The following UFL1 variants were observed in gnomAD, a reference collection of about 807,000 sequenced individuals.
UFL1 encodes the protein UFM1 specific ligase 1, also known as E3 UFM1-protein ligase 1.
Under a neutral mutation model 99.3 loss-of-function variants are expected in UFL1, and 78 were observed. The ratio of observed to expected loss-of-function variants is 0.79; its 90% CI spans 0.65 to 0.95. The LOEUF (loss-of-function observed/expected upper bound fraction) is 0.95. Among genes scored for constraint, UFL1 ranks in the 40% least tolerant of loss-of-function variants. UFL1 has a pLI of 0.00. For missense variants in UFL1, 936 were observed against 937.0 expected (o/e 1.00, Z 0.01); for synonymous variants, 335 against 322.2 (o/e 1.04, Z -0.42).
intron 5 of UFL1, 119 bp downstream of exon 5, chr6:96,526,554 T>A: frequency 1.3e-6 from 1 of 787,118 alleles, no homozygotes. Context: ...TTATTGCAGG[T>A]GTCTGACTTG....
intron 2 of UFL1, among the ~76,000 whole-genome samples, chr6:96,523,613 G>A (rs1027587267): frequency 1.3e-5 from 2 of 148,584 alleles, no homozygotes; most frequent in African/African-American, 4.9e-5. Context: ...CCTTTTATTA[G>A]GTGGTAATTG....
chr6:96,552,487 T>TA lies in UFL1; in HGVS notation c.1992dup (p.Leu665ThrfsTer10). ...GTGCTTTTTTTTTTTTTTAGACAGATACTGTTCCAACATCGACAAGCACTG... is the reference window on the plus strand; with the variant it reads ...GTGCTTTTTTTTTTTTTTAGACAGATAACTGTTCCAACATCGACAAGCACTG... On this transcript the variant is annotated frameshift_variant, in exon 18 of 19. Coordinates refer to ENST00000369278, the MANE Select transcript of UFL1 (RefSeq NM_015323.5). LOFTEE classifies it high-confidence loss of function. 6.4e-7 allele frequency: 1 copy of TA among 1,563,552 alleles called. No homozygotes were observed. Among genetic ancestry groups the TA allele is most frequent in the Non-Finnish European group, 8.6e-7 (1 of 1,164,304 alleles).
At position 96,548,269 on chromosome 6, in the gene UFL1, A is replaced by G; in HGVS notation, c.1508A>G (p.Glu503Gly). Residue 503 changes from glutamate to glycine, a missense_variant, in exon 13 of 19, where the codon GAG becomes GGG. Transcript: ENST00000369278. ...APEEFISELA[E>G]YLIKPLNKTY... ...GAGGAGTTTATTTCGGAACTTGCTG[A>G]GTACTTAATAAAGCAAGTATAAAAT... 6.4e-7 allele frequency: 1 copy of G among 1,572,806 alleles called. No individual in the cohort carries two copies. Among genetic ancestry groups the G allele is most frequent in the South Asian group, 1.2e-5 (1 of 85,300 alleles).
intron 8 of UFL1, 82 bp downstream of exon 8, chr6:96,536,472 T>C: frequency 9.4e-7 from 1 of 1,063,700 alleles, no homozygotes; most frequent in Non-Finnish European, 1.3e-6. Flanking sequence ...AACCCTAGAG[T>C]CCTCCTTTGA....
At position 96,536,321 on chromosome 6, in the gene UFL1, G is replaced by T; in HGVS notation, c.733G>T (p.Val245Phe). ...TGGGAGACAGGATAAAGCTGTGTTT[G>T]TCCCTGACATCTACTCCAGGACACA... ...VGGRQDKAVF[V>F]PDIYSRTQST... Residue 245 changes from valine (V) to phenylalanine (F), a missense_variant, in exon 8 of 19, where the codon GTC (valine) becomes TTC (phenylalanine). Physicochemically the swap from Val to Phe is conservative, Grantham distance 50. Transcript: ENST00000369278. The T allele has an allele frequency of 6.2e-7, 1 of 1,611,582 alleles. No individual in the cohort carries two copies. Among genetic ancestry groups the T allele is most frequent in the East Asian group, 2.2e-5 (1 of 44,830 alleles).
intron 12 of UFL1, among the ~76,000 whole-genome samples, chr6:96,544,050 G>A (rs1769966924): frequency 1.3e-5 from 2 of 151,092 alleles, no homozygotes; most frequent in South Asian, 4.1e-4. Flanking sequence ...AGAAAGCTTT[G>A]CATGGTTTCA....
intron 12 of UFL1, among the ~76,000 whole-genome samples, chr6:96,543,454 T>C (rs1769958229): frequency 6.6e-6 from 1 of 151,166 alleles, no homozygotes; most frequent in South Asian, 2.1e-4. Context: ...CAGAAATGGA[T>C]AATCAAAAAG....
intron 10 of UFL1, 107 bp downstream of exon 10, chr6:96,538,917 T>C: frequency 1.0e-6 from 1 of 989,692 alleles, no homozygotes; most frequent in South Asian, 2.8e-5. Context: ...CTTTGTATCA[T>C]TTATTATTTT....
chr6:96,541,128 A>T (rs1769925454), intron 11 of UFL1, among the ~76,000 whole-genome samples: 1 of 151,362 alleles, frequency 6.6e-6, no homozygotes, highest in Non-Finnish European at 1.5e-5. Context: ...ACCCTTCGGA[A>T]TAGTAGCCAC....
intron 10 of UFL1, 61 bp from the exon 11 acceptor site, chr6:96,540,474 C>T (rs901569045): frequency 2.8e-5 from 44 of 1,553,566 alleles, no homozygotes; most frequent in African/African-American, 2.8e-4. Flanking sequence ...ATATAAACAA[C>T]TTTTATGCTT....
At chr6:96,523,922 T>C (rs1276201555) in intron 2 of UFL1, among the ~76,000 whole-genome samples, 1 of 152,176 alleles carries the variant, frequency 6.6e-6, no homozygotes, top group Non-Finnish European at 1.5e-5. Context: ...TATTTATCTA[T>C]TTTCCTTCAT....
At position 96,547,442 on chromosome 6, in the gene UFL1, A is replaced by G. The variant is rs143562427; in HGVS notation, c.1403-722A>G. On this transcript the variant is annotated intron_variant, in intron 12 of 18. Coordinates refer to ENST00000369278, the MANE Select transcript of UFL1 (RefSeq NM_015323.5). ...TCAAAGAACTAAAATTAGAACTACTATTTGACCCAGCAATCCCACTGCTGG... is the reference window on the plus strand; with the variant it reads ...TCAAAGAACTAAAATTAGAACTACTGTTTGACCCAGCAATCCCACTGCTGG... Among the ~76,000 whole-genome samples, 551 of 151,746 alleles carry G rather than the reference A, an allele frequency of 3.6e-3. 2 individuals are homozygous for G. Among genetic ancestry groups the G allele is most frequent in the African/African-American group, 0.011 (445 of 41,488 alleles).
chr6:96,527,232 G>A (rs958438244), intron 5 of UFL1, among the ~76,000 whole-genome samples: 2 of 151,894 alleles, frequency 1.3e-5, no homozygotes, highest in African/African-American at 4.8e-5. Flanking sequence ...TTTGAATACT[G>A]TCTGCACCAC....
At chr6:96,540,014 G>A (rs1217862339) in intron 10 of UFL1, among the ~76,000 whole-genome samples, 2 of 151,274 alleles carry the variant, frequency 1.3e-5, no homozygotes, top group East Asian at 3.9e-4. Context: ...ATACTTCATC[G>A]TTGTTATCAT....
rs911054534 is a variant in UFL1 at position 96,543,081 on chromosome 6, T to C, written c.1402+65T>C. ...ATATTTGTAACATATTTTCTTAAGATGTATATAATTAGGTATATATGCTAA... is the reference window on the plus strand; with the variant it reads ...ATATTTGTAACATATTTTCTTAAGACGTATATAATTAGGTATATATGCTAA... On this transcript the variant is annotated intron_variant, in intron 12 of 18. Transcript: ENST00000369278. The C allele has an allele frequency of 2.6e-6, 4 of 1,517,348 alleles. No individual in the cohort carries two copies. In the African/African-American group the frequency reaches 5.8e-5, roughly 22 times the overall value. The allele number at this position is 1,517,348 out of a possible 1,614,324, so 94.0% of individuals were successfully genotyped here.
intron 3 of UFL1, 23 bp from the exon 4 acceptor site, chr6:96,525,274 T>C: frequency 1.4e-6 from 2 of 1,466,968 alleles, no homozygotes; most frequent in South Asian, 2.4e-5. Context: ...TAATCATTAA[T>C]AGATTTTGTA....
In UFL1 at chr6:96,526,314, C is replaced by G. The variant is rs1769701267; in HGVS notation, c.351-7C>G. On this transcript the variant is annotated splice_region_variant and splice_polypyrimidine_tract_variant and intron_variant, in intron 4 of 18. Coordinates refer to ENST00000369278, the MANE Select transcript of UFL1 (RefSeq NM_015323.5). The stretch of plus-strand genomic sequence containing the variant: ...TTTTTCTATTATTTTCTTGTTTTCA[C>G]TATTAGGAATTATTTGGATCGGTTG... The G allele has an allele frequency of 1.9e-6, 3 of 1,594,030 alleles. No homozygotes were observed. Among genetic ancestry groups the G allele is most frequent in the South Asian group, 1.1e-5 (1 of 87,810 alleles).
At chr6:96,533,696 C>T (rs1252594230) in intron 6 of UFL1, among the ~76,000 whole-genome samples, 1 of 148,374 alleles carries the variant, frequency 6.7e-6, no homozygotes, top group African/African-American at 2.5e-5. Context: ...TACACTTAAA[C>T]GATGGGGTAG....
chr6:96,554,395 T>TGTAA lies in UFL1; in HGVS notation c.*895_*898dup, dbSNP rs1392774296. 2 of 152,136 alleles carry TGTAA rather than the reference T, an allele frequency of 1.3e-5. No individual in the cohort carries two copies. Among genetic ancestry groups the TGTAA allele is most frequent in the African/African-American group, 2.4e-5 (1 of 41,450 alleles). The allele number at this position is 152,136 out of a possible 1,614,324, so 9.4% of individuals were successfully genotyped here. A position where few individuals can be genotyped will look rare whatever the true frequency, so the allele number is the denominator to read the frequency against. ...TGCCTTTTCCAGTGGTAGGAGCATC[T>TGTAA]GTAAGTGCATTTAAATCATTAGAAG... On this transcript the variant is annotated 3_prime_UTR_variant, in exon 19 of 19. Coordinates refer to ENST00000369278, the MANE Select transcript of UFL1 (RefSeq NM_015323.5).
Sources: gnomAD v4.1 joint callset for allele counts (sites outside exome capture counted in the v4.1 genomes callset) on GRCh38, gnomAD v4.1.1 for gene constraint, MANE v1.5 for transcripts, NCBI Gene and HGNC (gene_info 2026-07-23, HGNC 2026-07-21) for gene names.